Variants in KHDRBS2 observed in about 807,000 individuals in gnomAD.
KHDRBS2 encodes the protein KH domain-containing, RNA-binding, signal transduction-associated protein 2.
Under a neutral mutation model 44.3 loss-of-function variants are expected in KHDRBS2, and 26 were observed. The observed-to-expected ratio is 0.59, with a 90% CI of 0.43 to 0.81. The LOEUF (loss-of-function observed/expected upper bound fraction) is 0.81, where lower values mean the gene tolerates loss of function less well. Ranked by LOEUF, KHDRBS2 falls within the 40% of genes least tolerant of loss-of-function variation. The pLI is 0.00. For missense variants in KHDRBS2, 476 were observed against 433.1 expected (o/e 1.10, Z -0.88); for synonymous variants, 194 against 151.1 (o/e 1.28, Z -2.08).
At chr6:62,096,458 A>T (rs1194306307) in intron 2 of KHDRBS2, among the ~76,000 whole-genome samples, 1 of 151,790 alleles carries the variant, frequency 6.6e-6, no homozygotes, top group Non-Finnish European at 1.5e-5. Flanking sequence ...GGTCAGCTCT[A>T]TGTGTCCAGG....
At chr6:61,835,801 A>G (rs1225493300) in intron 6 of KHDRBS2, among the ~76,000 whole-genome samples, 1 of 151,722 alleles carries the variant, frequency 6.6e-6, no homozygotes, top group Non-Finnish European at 1.5e-5. Flanking sequence ...CAACAGAAGC[A>G]GTTAAGGTAC....
chr6:61,867,869 A>G (rs1798014919), intron 6 of KHDRBS2, among the ~76,000 whole-genome samples: 1 of 152,034 alleles, frequency 6.6e-6, no homozygotes, highest in East Asian at 1.9e-4. Context: ...GCCCAAACGT[A>G]CCTGTAGGAG....
At chr6:61,606,072 A>C in the KHDRBS2 span, among the ~76,000 whole-genome samples, 1 of 152,100 alleles carries the variant, frequency 6.6e-6, no homozygotes, top group Non-Finnish European at 1.5e-5. Flanking sequence ...GCACCTTGTG[A>C]ACCCCGCCCC....
chr6:61,966,946 T>C (rs1485936660), intron 4 of KHDRBS2, among the ~76,000 whole-genome samples: 1 of 151,914 alleles, frequency 6.6e-6, no homozygotes, highest in Non-Finnish European at 1.5e-5. Context: ...ACTAAAAACA[T>C]TCAGTCGATT....
At chr6:62,176,997 C>T (rs1821227290) in intron 2 of KHDRBS2, among the ~76,000 whole-genome samples, 188 bp downstream of exon 2, 1 of 151,332 alleles carries the variant, frequency 6.6e-6, no homozygotes, top group Admixed American at 6.6e-5. Context: ...CTGTAGCCTT[C>T]AGTTGAAAAT....
chr6:62,043,720 C>A (rs1254671244), intron 3 of KHDRBS2, among the ~76,000 whole-genome samples: 1 of 151,958 alleles, frequency 6.6e-6, no homozygotes, highest in African/African-American at 2.4e-5. Flanking sequence ...CACGAGATAA[C>A]ACAAAGAAAA....
At chr6:62,070,746 A>T (rs952997648) in intron 2 of KHDRBS2, among the ~76,000 whole-genome samples, 25 of 152,026 alleles carry the variant, frequency 1.6e-4, no homozygotes, top group African/African-American at 5.6e-4. Flanking sequence ...TCATTGTTGG[A>T]CATTTGGGTT....
chr6:61,755,821 T>C (rs1442226362), intron 6 of KHDRBS2, among the ~76,000 whole-genome samples: 7 of 149,652 alleles, frequency 4.7e-5, no homozygotes, highest in South Asian at 2.1e-4. Context: ...AAAAAAATCA[T>C]TGGATTATTT....
At chr6:62,046,541 T>A (rs1412460338) in intron 3 of KHDRBS2, among the ~76,000 whole-genome samples, 1 of 151,868 alleles carries the variant, frequency 6.6e-6, no homozygotes, top group East Asian at 1.9e-4. Context: ...CAATATGAAG[T>A]TTATAATATA....
intron 6 of KHDRBS2, among the ~76,000 whole-genome samples, chr6:61,842,260 A>G (rs1793708484): frequency 6.6e-6 from 1 of 152,186 alleles, no homozygotes; most frequent in Non-Finnish European, 1.5e-5. Flanking sequence ...CTTATGCAGT[A>G]TTCTAGTGAC....
At chr6:62,076,962 C>A (rs574861929) in intron 2 of KHDRBS2, among the ~76,000 whole-genome samples, 26 of 152,002 alleles carry the variant, frequency 1.7e-4, no homozygotes, top group African/African-American at 6.0e-4. Flanking sequence ...GGGAGAATCA[C>A]ATGAGTCCAA....
chr6:61,918,465 G>A (rs1807435420), intron 4 of KHDRBS2, among the ~76,000 whole-genome samples: 2 of 151,638 alleles, frequency 1.3e-5, no homozygotes, highest in South Asian at 4.2e-4. Flanking sequence ...CCTCATGATG[G>A]GATTATTGCC....
At chr6:62,033,425 C>T (rs1276141209) in intron 3 of KHDRBS2, among the ~76,000 whole-genome samples, 2 of 151,624 alleles carry the variant, frequency 1.3e-5, no homozygotes, top group African/African-American at 2.4e-5. Flanking sequence ...TAATTAAACT[C>T]CCAAAGATCA....
At chr6:62,246,020 A>G (rs1835482361) in intron 1 of KHDRBS2, among the ~76,000 whole-genome samples, 1 of 151,088 alleles carries the variant, frequency 6.6e-6, no homozygotes, top group South Asian at 2.1e-4. Flanking sequence ...TGCTCACACC[A>G]AGAAAGTAAA....
At chr6:62,168,089 G>T (rs1313566865) in intron 2 of KHDRBS2, among the ~76,000 whole-genome samples, 1 of 152,126 alleles carries the variant, frequency 6.6e-6, no homozygotes, top group Non-Finnish European at 1.5e-5. Context: ...ATAAGAAGAA[G>T]TATAGAGCAA....
rs115071681 is a variant in KHDRBS2, at chr6:62,226,210, A to T, written c.92-48898T>A. Reference sequence around the variant, plus strand: ...CCTCGACAGCATGTATAGTTTCTTGAGTTTTTAATAATCGCCATTCTGACT... The same window carrying T: ...CCTCGACAGCATGTATAGTTTCTTGTGTTTTTAATAATCGCCATTCTGACT... On this transcript the variant is annotated intron_variant, in intron 1 of 8. Coordinates refer to ENST00000281156, the MANE Select transcript of KHDRBS2 (RefSeq NM_152688.4). 2.5e-3 allele frequency among the ~76,000 whole-genome samples: 380 copies of T among 152,226 alleles called. 3 individuals are homozygous for T. The highest frequency in any genetic ancestry group is 8.4e-3 in the African/African-American group (348 of 41,530).
intron 4 of KHDRBS2, among the ~76,000 whole-genome samples, chr6:61,926,318 G>T (rs1808967571): frequency 6.6e-6 from 1 of 152,148 alleles, no homozygotes; most frequent in South Asian, 2.1e-4. Flanking sequence ...AGCTTGGAAA[G>T]GTAGTTTGGA....
intron 2 of KHDRBS2, among the ~76,000 whole-genome samples, chr6:62,088,735 C>T (rs1798902378): frequency 6.6e-6 from 1 of 152,132 alleles, no homozygotes; most frequent in African/African-American, 2.4e-5. Flanking sequence ...TGCACCTTAG[C>T]AGAGCTCGAG....
At chr6:61,645,892 G>A in the KHDRBS2 span, among the ~76,000 whole-genome samples, 230 of 152,228 alleles carry the variant, frequency 1.5e-3, no homozygotes, top group Non-Finnish European at 2.0e-3. Flanking sequence ...TGTGATGGTG[G>A]TATGGAGGGT....
Sources: gnomAD v4.1 joint callset for allele counts (sites outside exome capture counted in the v4.1 genomes callset) on GRCh38, gnomAD v4.1.1 for gene constraint, MANE v1.5 for transcripts, NCBI Gene and HGNC (gene_info 2026-07-23, HGNC 2026-07-21) for gene names.